Variants in SYT6 observed in about 807,000 individuals in gnomAD.
SYT6 encodes synaptotagmin 6.
A neutral mutation model predicts 38.4 loss-of-function variants in SYT6; 24 were observed. The observed-to-expected ratio is 0.62, with a 90% CI of 0.45 to 0.88. The LOEUF is 0.88. Among genes scored for constraint, SYT6 ranks in the 40% least tolerant of loss-of-function variants. The pLI, the probability that SYT6 is intolerant of heterozygous loss-of-function variation, is 0.00. For missense variants in SYT6, 611 were observed against 621.0 expected (o/e 0.98, Z 0.17); for synonymous variants, 265 against 241.9 (o/e 1.10, Z -0.89).
intron 3 of SYT6, among the ~76,000 whole-genome samples, chr1:114,134,762 G>A (rs61810283): frequency 0.018 from 2,711 of 152,314 alleles, 47 homozygotes; most frequent in Middle Eastern, 0.1. Flanking sequence ...CAGGTCCAAA[G>A]GGCAGCTCTG....
intron 3 of SYT6, among the ~76,000 whole-genome samples, chr1:114,135,959 G>A (rs4839363): frequency 0.094 from 14,298 of 152,204 alleles, 927 homozygotes; most frequent in East Asian, 0.2. Context: ...TGGAGCGCTC[G>A]GGCCTGGGGC....
intron 3 of SYT6, among the ~76,000 whole-genome samples, chr1:114,109,904 C>CT: frequency 6.6e-6 from 1 of 152,266 alleles, no homozygotes; most frequent in South Asian, 2.1e-4. Context: ...AGCGCTTTTG[C>CT]TTTTTTTCTC....
chr1:114,100,163 G>T (rs901697760), intron 4 of SYT6, among the ~76,000 whole-genome samples: 3 of 152,190 alleles, frequency 2.0e-5, no homozygotes, highest in African/African-American at 7.2e-5. Flanking sequence ...GTGAAACCTA[G>T]TGTATCTCAT....
At chr1:114,120,632 A>T (rs569946715) in intron 3 of SYT6, among the ~76,000 whole-genome samples, 1 of 152,368 alleles carries the variant, frequency 6.6e-6, no homozygotes, top group East Asian at 1.9e-4. Context: ...CAGATAATTC[A>T]CTTAGTCTCT....
rs149369039 is a variant in SYT6 at position 114,138,752 on chromosome 1, T to C, written c.513-699A>G. 5.4e-3 allele frequency among the ~76,000 whole-genome samples: 819 copies of C among 152,374 alleles called. 9 individuals are homozygous for C. The highest frequency in any genetic ancestry group is 0.019 in the African/African-American group (782 of 41,588). On this transcript the variant is annotated intron_variant, in intron 2 of 7. Transcript: ENST00000610222. Reference sequence around the variant, plus strand: ...TCTCCTTATCAATCACATTGATTCTTCCATTGGCTCCTCACAACTGCCATA... The same window carrying C: ...TCTCCTTATCAATCACATTGATTCTCCCATTGGCTCCTCACAACTGCCATA...
In SYT6 at chr1:114,114,419, T is replaced by C. The variant is rs181524580; in HGVS notation, c.1072-10698A>G. Reference sequence around the variant, plus strand: ...GCAACTCAGCTTTGTGGGGCTCACCTGGTTAAGGTGGCAAAATGAATGGGT... The same window carrying C: ...GCAACTCAGCTTTGTGGGGCTCACCCGGTTAAGGTGGCAAAATGAATGGGT... On this transcript the variant is annotated intron_variant, in intron 3 of 7. Transcript: ENST00000610222. Among the ~76,000 whole-genome samples, 222 of 152,348 alleles carry C rather than the reference T, an allele frequency of 1.5e-3. 3 individuals are homozygous for C. In the East Asian group the frequency reaches 0.04, roughly 28 times the overall value.
chr1:114,115,975 G>A (rs950197956), intron 3 of SYT6, among the ~76,000 whole-genome samples: 7 of 152,112 alleles, frequency 4.6e-5, no homozygotes, highest in African/African-American at 1.4e-4. Context: ...TAGGGCTGCC[G>A]AGGACCGTGT....
intron 6 of SYT6, 144 bp downstream of exon 6, chr1:114,097,583 G>T: frequency 3.1e-6 from 3 of 973,674 alleles, no homozygotes; most frequent in Non-Finnish European, 4.6e-6. Flanking sequence ...TTTCCTTTTG[G>T]CCTATTACAC....
At chr1:114,149,875 G>A (rs1390046445) in intron 1 of SYT6, among the ~76,000 whole-genome samples, 1 of 152,140 alleles carries the variant, frequency 6.6e-6, no homozygotes, top group Non-Finnish European at 1.5e-5. Flanking sequence ...AGGGAGGGAT[G>A]AGGTTGTGTC....
intron 3 of SYT6, among the ~76,000 whole-genome samples, chr1:114,111,782 G>A (rs1386225759): frequency 1.6e-5 from 1 of 61,634 alleles, no homozygotes; most frequent in East Asian, 3.8e-4. Context: ...CAGGAGGAGA[G>A]TGGAGACTGA....
rs145053276 is a variant in SYT6 at position 114,099,815 on chromosome 1, TC to T, written c.1193-551del. Among the ~76,000 whole-genome samples the T allele has an allele frequency of 3.8e-3, 586 of 152,250 alleles. 3 individuals carry two copies. The highest frequency in any genetic ancestry group is 0.013 in the African/African-American group (552 of 41,544). On this transcript the variant is annotated intron_variant, in intron 4 of 7. Transcript: ENST00000610222. ...AACAATCACAATGCTGTTCATGTCCTCCCCACCTGACAACATAATTTTGGGT... is the reference window on the plus strand; with the variant it reads ...AACAATCACAATGCTGTTCATGTCCTCCCACCTGACAACATAATTTTGGGT...
chr1:114,094,231 G>C (rs551413983), intron 6 of SYT6, among the ~76,000 whole-genome samples: 33 of 152,322 alleles, frequency 2.2e-4, no homozygotes, highest in African/African-American at 7.5e-4. Flanking sequence ...GTGGACAATG[G>C]AAAGGCGAAT....
intron 3 of SYT6, among the ~76,000 whole-genome samples, chr1:114,122,999 G>T (rs1473567254): frequency 6.6e-6 from 1 of 152,186 alleles, no homozygotes; most frequent in Non-Finnish European, 1.5e-5. Context: ...TTTCTCCGGG[G>T]CCCGCGAGGC....
chr1:114,146,718 ACTT>A (rs767571192), intron 1 of SYT6, among the ~76,000 whole-genome samples: 7 of 152,206 alleles, frequency 4.6e-5, no homozygotes, highest in Non-Finnish European at 7.3e-5. Flanking sequence ...CTTCTTCTTT[ACTT>A]CTTCTTCAGC....
chr1:114,111,265 C>A (rs573307987), intron 3 of SYT6, among the ~76,000 whole-genome samples: 1 of 152,170 alleles, frequency 6.6e-6, no homozygotes, highest in Non-Finnish European at 1.5e-5. Flanking sequence ...AGTGCTTATA[C>A]GTATGATGTC....
chr1:114,103,772 C>T, intron 3 of SYT6, 51 bp from the exon 4 acceptor site: 1 of 1,589,578 alleles, frequency 6.3e-7, no homozygotes, highest in African/African-American at 1.3e-5. Flanking sequence ...GACCATGGGC[C>T]TCATGTCCAG....
chr1:114,105,478 A>G (rs1010367931), intron 3 of SYT6, among the ~76,000 whole-genome samples: 1 of 147,148 alleles, frequency 6.8e-6, no homozygotes, highest in Non-Finnish European at 1.5e-5. Flanking sequence ...AATTCTAGGA[A>G]CAGCAGAAGG....
chr1:114,103,757 T>A (rs1487199547), intron 3 of SYT6, 36 bp from the exon 4 acceptor site: 22 of 1,601,974 alleles, frequency 1.4e-5, no homozygotes, highest in African/African-American at 4.0e-5. Flanking sequence ...GATGAGGGGC[T>A]TGCAGACCAT....
Position 114,091,523 on chromosome 1 carries a change from A to T in SYT6, c.*611T>A, listed in dbSNP as rs1292251268. On this transcript the variant is annotated 3_prime_UTR_variant, in exon 8 of 8. Coordinates refer to ENST00000610222, the MANE Select transcript of SYT6 (RefSeq NM_001253772.2). ...GTCCTGCCAGCGAAGAGCTTCAAAG[A>T]CTAGTAATTCACCTCACAAAGGCTC... is the stretch of plus-strand genomic sequence containing the variant. 1 of 152,636 alleles carries T rather than the reference A, an allele frequency of 6.6e-6. No homozygotes were observed. Among genetic ancestry groups the T allele is most frequent in the Non-Finnish European group, 1.5e-5 (1 of 68,322 alleles). 9.5% of individuals were successfully genotyped at this position (152,636 alleles called of 1,614,324 possible).
Sources: allele counts gnomAD v4.1 joint callset (sites outside exome capture counted in the v4.1 genomes callset), GRCh38; gene constraint gnomAD v4.1.1; transcripts MANE v1.5; gene names NCBI Gene and HGNC (gene_info 2026-07-23, HGNC 2026-07-21).